The following RASSF6 variants were observed in gnomAD, a reference collection of about 807,000 sequenced individuals.
The protein encoded by RASSF6 is ras association domain-containing protein 6.
A neutral mutation model predicts 44.0 loss-of-function variants in RASSF6; 52 were observed. That is an observed-to-expected ratio of 1.18 (90% CI 0.95 to 1.49). The LOEUF is 1.49. RASSF6 is among the 40% of genes most tolerant of loss of function. The pLI, the probability that RASSF6 is intolerant of heterozygous loss-of-function variation, is 0.00. For synonymous variants in RASSF6, 162 were observed against 124.6 expected, an observed-to-expected ratio of 1.30 and a Z score of -2.00; for missense variants, 464 against 393.3, an observed-to-expected ratio of 1.18 and a Z score of -1.52.
chr4:73,598,536 TC>T, intron 3 of RASSF6, 103 bp downstream of exon 3: 1 of 601,608 alleles, frequency 1.7e-6, no homozygotes, highest in South Asian at 2.3e-5. Flanking sequence ...AGAATCATAA[TC>T]AAGTTAAACT....
At chr4:73,609,592 C>T (rs1725870988) in intron 2 of RASSF6, among the ~76,000 whole-genome samples, 1 of 152,168 alleles carries the variant, frequency 6.6e-6, no homozygotes. Flanking sequence ...GAAGATTCTG[C>T]TTAACTATTA....
chr4:73,611,874 A>G, intron 1 of RASSF6, 45 bp from the exon 2 acceptor site: 1 of 1,284,870 alleles, frequency 7.8e-7, no homozygotes, highest in Middle Eastern at 1.8e-4. Flanking sequence ...ATAATGCATT[A>G]AAAAATTAGT....
chr4:73,606,001 T>C (rs1188360031), intron 2 of RASSF6, among the ~76,000 whole-genome samples: 1 of 152,232 alleles, frequency 6.6e-6, no homozygotes, highest in East Asian at 1.9e-4. Flanking sequence ...TGGAAAGCAG[T>C]TTGGAGATTT....
intron 2 of RASSF6, among the ~76,000 whole-genome samples, chr4:73,602,775 C>T (rs1725359853): frequency 6.6e-6 from 1 of 152,122 alleles, no homozygotes; most frequent in African/African-American, 2.4e-5. Context: ...CTGTGATGTC[C>T]AAGGCACGCC....
At chr4:73,607,667 T>G (rs374335012) in intron 2 of RASSF6, among the ~76,000 whole-genome samples, 4 of 152,120 alleles carry the variant, frequency 2.6e-5, no homozygotes, top group African/African-American at 9.7e-5. Context: ...ATGCAAATAT[T>G]CAAAACACCC....
intron 7 of RASSF6, 148 bp from the exon 8 acceptor site, chr4:73,582,016 A>T: frequency 1.4e-6 from 1 of 694,826 alleles, no homozygotes; most frequent in Non-Finnish European, 2.4e-6. Context: ...GAATTATATA[A>T]TTTTTCAAGG....
intron 2 of RASSF6, among the ~76,000 whole-genome samples, chr4:73,610,398 C>T (rs1578063501): frequency 6.6e-6 from 1 of 152,302 alleles, no homozygotes; most frequent in Non-Finnish European, 1.5e-5. Flanking sequence ...AACACAGCAG[C>T]TAGACTGATA....
In RASSF6 at chr4:73,572,662, G is replaced by A. The variant is rs1344449931; in HGVS notation, c.*3573C>T. 1 of 152,166 alleles carries A rather than the reference G, an allele frequency of 6.6e-6. No individual in the cohort carries two copies. Among genetic ancestry groups the A allele is most frequent in the Non-Finnish European group, 1.5e-5 (1 of 68,010 alleles). 9.4% of individuals were successfully genotyped at this position (152,166 alleles called of 1,614,324 possible). On this transcript the variant is annotated 3_prime_UTR_variant, in exon 11 of 11. Coordinates refer to ENST00000307439, the MANE Select transcript of RASSF6 (RefSeq NM_177532.5). ...GATATAAAACTACCACAGAAGTGAT[G>A]TTAATGTCTCATTTGAATAATTGAT...
chr4:73,617,349 G>A (rs1370828499), intron 1 of RASSF6, among the ~76,000 whole-genome samples: 1 of 152,194 alleles, frequency 6.6e-6, no homozygotes, highest in African/African-American at 2.4e-5. Context: ...GGGAGATAAA[G>A]AAAGCAGAAA....
intron 4 of RASSF6, among the ~76,000 whole-genome samples, chr4:73,592,836 A>G (rs752535532): frequency 6.6e-6 from 1 of 152,126 alleles, no homozygotes; most frequent in Admixed American, 6.5e-5. Context: ...GCCTTTTCCA[A>G]TGAAGGAATG....
intron 2 of RASSF6, among the ~76,000 whole-genome samples, chr4:73,609,494 T>C (rs1725866815): frequency 6.6e-6 from 1 of 152,202 alleles, no homozygotes; most frequent in African/African-American, 2.4e-5. Context: ...TTATGTTTCC[T>C]ACTATGCTAT....
chr4:73,582,701 G>A (rs1305033788), intron 6 of RASSF6, among the ~76,000 whole-genome samples: 1 of 152,070 alleles, frequency 6.6e-6, no homozygotes, highest in Non-Finnish European at 1.5e-5. Context: ...GTAGAAATGG[G>A]GTGGGTTCAG....
At chr4:73,607,789 A>G (rs1045995243) in intron 2 of RASSF6, among the ~76,000 whole-genome samples, 3 of 152,062 alleles carry the variant, frequency 2.0e-5, no homozygotes, top group African/African-American at 7.2e-5. Flanking sequence ...TTCAGATTGC[A>G]AGCTCCACAA....
At chr4:73,610,821 A>C (rs1449744821) in intron 2 of RASSF6, among the ~76,000 whole-genome samples, 1 of 152,156 alleles carries the variant, frequency 6.6e-6, no homozygotes, top group Non-Finnish European at 1.5e-5. Flanking sequence ...ATGTAACTCC[A>C]TGAGAGTAAG....
At chr4:73,607,217 T>C in intron 2 of RASSF6, among the ~76,000 whole-genome samples, 1 of 152,218 alleles carries the variant, frequency 6.6e-6, no homozygotes, top group East Asian at 1.9e-4. Flanking sequence ...TTAAATGTCT[T>C]TCCATTGCTC....
At chr4:73,596,765 G>A (rs951328459) in intron 3 of RASSF6, among the ~76,000 whole-genome samples, 1 of 152,052 alleles carries the variant, frequency 6.6e-6, no homozygotes, top group African/African-American at 2.4e-5. Flanking sequence ...ATACTGGTAC[G>A]AGAACAGACA....
intron 3 of RASSF6, among the ~76,000 whole-genome samples, chr4:73,594,990 T>C (rs1724832209): frequency 2.0e-5 from 3 of 152,200 alleles, no homozygotes. Flanking sequence ...AATTGATTAA[T>C]TAACCAAAGA....
At chr4:73,580,486 CA>C (rs1211466162) in intron 8 of RASSF6, among the ~76,000 whole-genome samples, 2 of 151,550 alleles carry the variant, frequency 1.3e-5, no homozygotes, top group African/African-American at 4.9e-5. Flanking sequence ...TACAGTCCCA[CA>C]AACAGTGTAA....
intron 1 of RASSF6, among the ~76,000 whole-genome samples, chr4:73,614,311 C>T (rs1021280663): frequency 2.0e-5 from 3 of 152,228 alleles, no homozygotes; most frequent in African/African-American, 4.8e-5. Context: ...CCCCACAAAA[C>T]CTAGATGTTG....
Sources: gnomAD v4.1 joint callset for allele counts (sites outside exome capture counted in the v4.1 genomes callset) on GRCh38, gnomAD v4.1.1 for gene constraint, MANE v1.5 for transcripts, NCBI Gene and HGNC (gene_info 2026-07-23, HGNC 2026-07-21) for gene names.